ZNF609: variants seen among roughly 807,000 people sequenced by gnomAD.
ZNF609 encodes the protein zinc finger protein 609.
In ZNF609, 11 loss-of-function variants were observed where a neutral mutation model predicts 109.5. The observed-to-expected ratio is 0.10, with a 90% confidence interval of 0.06 to 0.17. ZNF609 has a LOEUF of 0.17. Among genes scored for constraint, ZNF609 ranks in the 10% least tolerant of loss-of-function variants. ZNF609 has a pLI of 1.00. For synonymous variants in ZNF609, 646 were observed against 662.0 expected, an observed-to-expected ratio of 0.98 and a Z score of 0.37; for missense variants, 1,559 against 1,772.4, an observed-to-expected ratio of 0.88 and a Z score of 2.16.
At position 64,499,506 on chromosome 15, in the gene ZNF609, T is replaced by C. The variant is rs188128412; in HGVS notation, c.87T>C (p.Ile29=). The C allele has an allele frequency of 3.5e-5, 56 of 1,613,956 alleles. No individual in the cohort carries two copies. The Admixed American group carries it at 9.0e-4, about 26-fold the overall frequency. The change falls in exon 2 of 10, where the codon ATT becomes ATC. Residue 29 remains isoleucine (I), a synonymous_variant. Coordinates refer to ENST00000326648, the MANE Select transcript of ZNF609 (RefSeq NM_015042.2). ...ETYDSGDEWD[I]GVGNLIIDLD... ...ACGACAGTGGGGATGAATGGGACATTGGAGTAGGGAATCTCATCATTGACC... is the reference window on the plus strand; with the variant it reads ...ACGACAGTGGGGATGAATGGGACATCGGAGTAGGGAATCTCATCATTGACC...
chr15:64,675,799 C>G lies in ZNF609; in HGVS notation c.2945C>G (p.Pro982Arg), dbSNP rs373154384. 1.8e-5 allele frequency: 29 copies of G among 1,614,204 alleles called. No individual in the cohort carries two copies. Among genetic ancestry groups the G allele is most frequent in the East Asian group, 6.7e-5 (3 of 44,888 alleles). The stretch of plus-strand genomic sequence containing the variant: ...TACAACCAGTATGCCTATGTACCCC[C>G]CTATGGCTACAGCGACCAGAGTTAC... ...LYYNQYAYVP[P>R]YGYSDQSYHT... The change falls in exon 5 of 10, where the codon CCC (proline) becomes CGC (arginine). Residue 982 changes from proline (P) to arginine (R), a missense_variant. Physicochemically the swap from Pro to Arg is moderately radical, Grantham distance 103. Transcript: ENST00000326648.
In ZNF609 at chr15:64,586,234, G is replaced by A. The variant is rs185261604; in HGVS notation, c.748-36593G>A. Among the ~76,000 whole-genome samples the A allele has an allele frequency of 5.9e-3, 901 of 151,876 alleles. 7 individuals carry two copies. The highest frequency in any genetic ancestry group is 0.012 in the South Asian group (57 of 4,820). ...CCAGCTACTCGGGAGGCTGAGGCAG[G>A]AGAATTGCTTGAACCCGGGAGGCAG... On this transcript the variant is annotated intron_variant, in intron 2 of 9. Coordinates refer to ENST00000326648, the MANE Select transcript of ZNF609 (RefSeq NM_015042.2).
chr15:64,501,512 G>A (rs1048711438), intron 2 of ZNF609: 1 of 152,204 alleles, frequency 6.6e-6, no homozygotes, highest in Non-Finnish European at 1.5e-5. Flanking sequence ...CACTTCAGCA[G>A]AGTCAGGTTC....
Position 64,675,178 on chromosome 15 carries a change from A to G in ZNF609, c.2324A>G (p.Asn775Ser), listed in dbSNP as rs778739827. 1.2e-6 allele frequency: 2 copies of G among 1,614,126 alleles called. No individual in the cohort carries two copies. Among genetic ancestry groups the G allele is most frequent in the South Asian group, 2.2e-5 (2 of 91,080 alleles). ...GGGATGAAAATGGAGGGGCTCCTAAATGGCTCATCAGACCCCCACCAAAGC... is the reference window on the plus strand; with the variant it reads ...GGGATGAAAATGGAGGGGCTCCTAAGTGGCTCATCAGACCCCCACCAAAGC... ...GDGMKMEGLL[N>S]GSSDPHQSRL... The change falls in exon 5 of 10, where the codon AAT (asparagine) becomes AGT (serine). Residue 775 changes from asparagine (N) to serine (S), a missense_variant. Around this residue, in one of 4 missense-constraint regions of ZNF609, gnomAD observed 1,204 missense variants for 1,314.1 expected, o/e 0.92. Transcript: ENST00000326648.
intron 1 of ZNF609, among the ~76,000 whole-genome samples, chr15:64,494,298 A>C (rs1393813420): frequency 6.6e-6 from 1 of 152,194 alleles, no homozygotes; most frequent in Non-Finnish European, 1.5e-5. Context: ...ACCCTACCAC[A>C]CACAGGAGAA....
At chr15:64,513,811 G>T (rs1335158329) in intron 2 of ZNF609, among the ~76,000 whole-genome samples, 2 of 152,114 alleles carry the variant, frequency 1.3e-5, no homozygotes, top group Non-Finnish European at 2.9e-5. Context: ...CAGCCAGCTG[G>T]CTGGGCAAGG....
At chr15:64,667,856 C>G (rs1432142803) in intron 3 of ZNF609, among the ~76,000 whole-genome samples, 1 of 152,148 alleles carries the variant, frequency 6.6e-6, no homozygotes, top group Non-Finnish European at 1.5e-5. Flanking sequence ...TAAAAAAGCT[C>G]ATAGACTAAG....
At chr15:64,548,635 G>A (rs1199253844) in intron 2 of ZNF609, among the ~76,000 whole-genome samples, 1 of 152,158 alleles carries the variant, frequency 6.6e-6, no homozygotes, top group Non-Finnish European at 1.5e-5. Flanking sequence ...GGGCATAGTA[G>A]TATGTGCCTA....
At chr15:64,478,155 GGT>G (rs149241970) in intron 1 of ZNF609, among the ~76,000 whole-genome samples, 11,949 of 138,112 alleles carry the variant, frequency 0.087, 704 homozygotes, top group South Asian at 0.27. Flanking sequence ...TTAGAATAAA[GGT>G]GTGTGTGTGT....
At chr15:64,546,808 T>G (rs1372291353) in intron 2 of ZNF609, among the ~76,000 whole-genome samples, 1 of 135,712 alleles carries the variant, frequency 7.4e-6, no homozygotes, top group East Asian at 2.0e-4. Context: ...TTTTTTTTTT[T>G]GAGACAGAGT....
chr15:64,467,208 G>T (rs1471343301), intron 1 of ZNF609, among the ~76,000 whole-genome samples: 1 of 152,190 alleles, frequency 6.6e-6, no homozygotes, highest in Non-Finnish European at 1.5e-5. Flanking sequence ...TCTTTTGCAG[G>T]TGAGAGCTGT....
intron 2 of ZNF609, chr15:64,500,633 T>C: frequency 1.8e-6 from 1 of 565,092 alleles, no homozygotes; most frequent in South Asian, 2.3e-5. Context: ...GGGTCTCTGG[T>C]AGAACAAAGG....
At chr15:64,533,654 G>A (rs988330014) in intron 2 of ZNF609, among the ~76,000 whole-genome samples, 3 of 151,958 alleles carry the variant, frequency 2.0e-5, no homozygotes, top group Admixed American at 6.6e-5. Flanking sequence ...TGTGGTTTTT[G>A]TCTACTCTAT....
At chr15:64,615,569 T>C (rs1895786900) in intron 2 of ZNF609, among the ~76,000 whole-genome samples, 1 of 150,572 alleles carries the variant, frequency 6.6e-6, no homozygotes, top group Admixed American at 6.6e-5. Context: ...TCACTACAAC[T>C]TCTGCCTCCT....
chr15:64,558,028 G>C (rs781747033), intron 2 of ZNF609, among the ~76,000 whole-genome samples: 3 of 152,134 alleles, frequency 2.0e-5, no homozygotes, highest in Non-Finnish European at 2.9e-5. Context: ...TCACTTTATA[G>C]TCTATTGGTG....
chr15:64,669,320 C>T (rs1188073617), intron 3 of ZNF609, among the ~76,000 whole-genome samples: 1 of 152,166 alleles, frequency 6.6e-6, no homozygotes, highest in African/African-American at 2.4e-5. Flanking sequence ...ACCTAAATGT[C>T]CGTTCAAATG....
chr15:64,571,972 C>G (rs1246066466), intron 2 of ZNF609, among the ~76,000 whole-genome samples: 1 of 152,114 alleles, frequency 6.6e-6, no homozygotes. Context: ...TTGGTTAGGA[C>G]TGCCTAGGGA....
intron 2 of ZNF609, among the ~76,000 whole-genome samples, chr15:64,595,989 T>G (rs1219756220): frequency 6.6e-6 from 1 of 152,166 alleles, no homozygotes; most frequent in African/African-American, 2.4e-5. Context: ...GCTTAATAAA[T>G]AAATTATTTG....
At chr15:64,535,309 C>T (rs1376547394) in intron 2 of ZNF609, among the ~76,000 whole-genome samples, 1 of 152,156 alleles carries the variant, frequency 6.6e-6, no homozygotes, top group Non-Finnish European at 1.5e-5. Flanking sequence ...CTCTACCTCT[C>T]ATAGCACTGG....
Sources: gnomAD v4.1 joint callset for allele counts (sites outside exome capture counted in the v4.1 genomes callset) on GRCh38, gnomAD v4.1.1 for gene constraint, gnomAD v4.1.1 regional missense constraint, MANE v1.5 for transcripts, NCBI Gene and HGNC (gene_info 2026-07-23, HGNC 2026-07-21) for gene names.